Variants in M1AP observed in about 807,000 individuals in gnomAD.
M1AP encodes meiosis 1 arrest protein.
A neutral mutation model predicts 51.2 loss-of-function variants in M1AP; 39 were observed. The observed-to-expected ratio is 0.76, with a 90% CI of 0.59 to 1.00. M1AP has a LOEUF of 1.00. Among genes scored for constraint, M1AP ranks in the 50% least tolerant of loss-of-function variants. The probability of loss-of-function intolerance (pLI) is 0.00; values close to 1 mark genes in which losing one functional copy is unlikely to be tolerated. For synonymous variants in M1AP, 251 were observed against 249.2 expected (o/e 1.01, Z -0.07); for missense variants, 545 against 641.2 (o/e 0.85, Z 1.62).
chr2:74,600,488 C>T (rs1680614610), intron 4 of M1AP, among the ~76,000 whole-genome samples: 3 of 152,210 alleles, frequency 2.0e-5, no homozygotes. Flanking sequence ...AGGTTCTCCT[C>T]TATCCTAAAT....
At chr2:74,643,222 A>G (rs1391273277) in intron 1 of M1AP, among the ~76,000 whole-genome samples, 4 of 152,186 alleles carry the variant, frequency 2.6e-5, no homozygotes, top group African/African-American at 4.8e-5. Flanking sequence ...AATTACCCAA[A>G]ACTGAAAAAA....
chr2:74,617,816 T>C (rs765072954), intron 2 of M1AP, among the ~76,000 whole-genome samples: 4 of 152,238 alleles, frequency 2.6e-5, no homozygotes, highest in Non-Finnish European at 5.9e-5. Context: ...AAAAACATTA[T>C]AATAAATATA....
chr2:74,575,695 T>A, intron 6 of M1AP, 116 bp from the exon 7 acceptor site: 1 of 765,836 alleles, frequency 1.3e-6, no homozygotes, highest in East Asian at 2.5e-5. Flanking sequence ...TAAATTAGTG[T>A]CTGTGAACTA....
rs145307086 is a variant in M1AP at position 74,559,363 on chromosome 2, T to C, written c.1434+335A>G. On this transcript the variant is annotated intron_variant, in intron 10 of 10. Coordinates refer to ENST00000421985, the MANE Select transcript of M1AP (RefSeq NM_001321739.2). Reference sequence around the variant, plus strand: ...TTTGTAGAGACGAGGTTTTGCCATGTTGCCCAGGCTGGTCTCAAACTCCTG... The same window carrying C: ...TTTGTAGAGACGAGGTTTTGCCATGCTGCCCAGGCTGGTCTCAAACTCCTG... Among the ~76,000 whole-genome samples the C allele has an allele frequency of 9.1e-3, 1,379 of 152,258 alleles. 20 individuals carry two copies. Among genetic ancestry groups the C allele is most frequent in the African/African-American group, 0.024 (996 of 41,522 alleles).
intron 4 of M1AP, among the ~76,000 whole-genome samples, chr2:74,597,320 T>C (rs991855777): frequency 2.6e-5 from 4 of 152,210 alleles, no homozygotes; most frequent in African/African-American, 9.6e-5. Flanking sequence ...GTGGTTCTAA[T>C]TTAGTCTTAA....
At position 74,560,145 on chromosome 2, in the gene M1AP, C is replaced by A. The variant is rs775633737; in HGVS notation, c.1422+6G>T. The A allele has an allele frequency of 2.5e-6, 4 of 1,613,062 alleles. No homozygotes were observed. The South Asian group carries it at 4.4e-5, about 18-fold the overall frequency. On this transcript the variant is annotated splice_donor_region_variant and intron_variant, in intron 9 of 10. Coordinates refer to ENST00000421985, the MANE Select transcript of M1AP (RefSeq NM_001321739.2). ...AAGGAAGAGGAGGGAAGGAGGGGAG[C>A]GGTACCTTTCTCGGAGCTCGGCTCT...
chr2:74,614,542 C>A (rs907677123), intron 3 of M1AP, among the ~76,000 whole-genome samples: 3 of 152,136 alleles, frequency 2.0e-5, no homozygotes, highest in African/African-American at 4.8e-5. Flanking sequence ...ACTTGCTAAT[C>A]CCGAGAAAAG....
intron 4 of M1AP, among the ~76,000 whole-genome samples, chr2:74,602,284 C>T (rs1680721612): frequency 1.3e-5 from 2 of 151,912 alleles, no homozygotes; most frequent in South Asian, 2.1e-4. Flanking sequence ...GAGTGATAAT[C>T]GTTAGTGATA....
At position 74,578,724 on chromosome 2, in the gene M1AP, G is replaced by C. The variant is rs142881292; in HGVS notation, c.770-2106C>G. On this transcript the variant is annotated intron_variant, in intron 5 of 10. Coordinates refer to ENST00000421985, the MANE Select transcript of M1AP (RefSeq NM_001321739.2). ...TTTCTAAGGGAAGCACCTAAAGACG[G>C]GGTGAAGGGCCCTAGGCAAAGAAGC... Among the ~76,000 whole-genome samples, 1,201 of 152,288 alleles carry C rather than the reference G, an allele frequency of 7.9e-3. 20 individuals are homozygous for C. The highest frequency in any genetic ancestry group is 0.027 in the African/African-American group (1,141 of 41,544).
At chr2:74,619,628 A>G (rs1681886089) in intron 2 of M1AP, among the ~76,000 whole-genome samples, 1 of 152,220 alleles carries the variant, frequency 6.6e-6, no homozygotes, top group African/African-American at 2.4e-5. Flanking sequence ...TCCTAACTCA[A>G]ATGACATGTT....
intron 7 of M1AP, among the ~76,000 whole-genome samples, chr2:74,571,098 T>A (rs1678711428): frequency 1.3e-5 from 2 of 152,136 alleles, no homozygotes; most frequent in African/African-American, 4.8e-5. Flanking sequence ...TCAAGGAGAT[T>A]AAGCTAGTGC....
chr2:74,645,610 C>G (rs1314822879), intron 1 of M1AP, among the ~76,000 whole-genome samples: 1 of 152,186 alleles, frequency 6.6e-6, no homozygotes, highest in Non-Finnish European at 1.5e-5. Context: ...AGCAACGACT[C>G]TATGACCTGG....
intron 2 of M1AP, among the ~76,000 whole-genome samples, chr2:74,636,122 A>C (rs1446912294): frequency 6.6e-6 from 1 of 151,902 alleles, no homozygotes; most frequent in Non-Finnish European, 1.5e-5. Context: ...TTTGCTCCAC[A>C]TATTTTATAG....
chr2:74,633,099 T>C (rs1467598966), intron 2 of M1AP, among the ~76,000 whole-genome samples: 1 of 152,104 alleles, frequency 6.6e-6, no homozygotes, highest in Admixed American at 6.6e-5. Flanking sequence ...ACACTCTTAC[T>C]TCCAGCTGGC....
chr2:74,612,620 A>G (rs1358764935), intron 3 of M1AP, among the ~76,000 whole-genome samples: 1 of 150,702 alleles, frequency 6.6e-6, no homozygotes, highest in Non-Finnish European at 1.5e-5. Flanking sequence ...TGTTTATTTG[A>G]TATCTTTCTT....
intron 3 of M1AP, among the ~76,000 whole-genome samples, chr2:74,611,252 T>C (rs1681322959): frequency 1.3e-5 from 2 of 152,228 alleles, no homozygotes; most frequent in African/African-American, 4.8e-5. Flanking sequence ...GAAGAATTGC[T>C]ATTAGTTCTT....
intron 4 of M1AP, among the ~76,000 whole-genome samples, chr2:74,598,659 C>T (rs1224409676): frequency 2.2e-5 from 3 of 133,506 alleles, no homozygotes; most frequent in Non-Finnish European, 4.6e-5. Flanking sequence ...GAGTCTTGCT[C>T]TGTCATCCAG....
Position 74,576,565 on chromosome 2 carries a change from C to T in M1AP, c.823G>A (p.Gly275Ser), listed in dbSNP as rs779580170. 2.5e-5 allele frequency: 40 copies of T among 1,614,032 alleles called. No individual in the cohort carries two copies. The highest frequency in any genetic ancestry group is 3.4e-5 in the Non-Finnish European group (40 of 1,180,010). The change falls in exon 6 of 11, where the codon GGC becomes AGC. Residue 275 changes from glycine to serine, a missense_variant. Transcript: ENST00000421985. ...ERLLCPSLLA[G>S]TADGSLRMDD... ...ATTCTCAAGGAGCCGTCAGCTGTGC[C>T]AGCGAGTAGGGATGGGCAGAGCAGT... is the stretch of plus-strand genomic sequence containing the variant.
At chr2:74,622,908 C>T (rs1682147368) in intron 2 of M1AP, among the ~76,000 whole-genome samples, 1 of 148,230 alleles carries the variant, frequency 6.7e-6, no homozygotes, top group East Asian at 2.0e-4. Flanking sequence ...TTTAGGGCAA[C>T]CCCTAAAAGA....
Sources: gnomAD v4.1 joint callset for allele counts (sites outside exome capture counted in the v4.1 genomes callset) on GRCh38, gnomAD v4.1.1 for gene constraint, MANE v1.5 for transcripts, NCBI Gene and HGNC (gene_info 2026-07-23, HGNC 2026-07-21) for gene names.